SLC12A1: variants seen among roughly 807,000 people sequenced by gnomAD.
The protein encoded by SLC12A1 is solute carrier family 12 member 1, also known as Na-K-2Cl cotransporter.
SLC12A1 carries 89 observed loss-of-function variants against 130.4 expected under a neutral mutation model. The ratio of observed to expected loss-of-function variants is 0.68; its 90% CI spans 0.58 to 0.81. The LOEUF (loss-of-function observed/expected upper bound fraction) is 0.81, where lower values mean the gene tolerates loss of function less well. Ranked by LOEUF, SLC12A1 falls within the 40% of genes least tolerant of loss-of-function variation. The pLI is 0.00. For synonymous variants in SLC12A1, 499 were observed against 460.0 expected (o/e 1.08, Z -1.09); for missense variants, 1,310 against 1,336.4 (o/e 0.98, Z 0.31).
In SLC12A1 at chr15:48,291,828, T is replaced by C. The variant is rs1382522294; in HGVS notation, c.2924T>C (p.Ile975Thr). Residue 975 changes from isoleucine (I) to threonine (T), a missense_variant, in exon 24 of 27, where the codon ATC (isoleucine) becomes ACC (threonine). Ile to Thr is a moderately conservative substitution (Grantham distance 89). Coordinates refer to ENST00000380993, the MANE Select transcript of SLC12A1 (RefSeq NM_000338.3). ...KFRIKFADIH[I>T]IGDINIRPNK... ...AGGATAAAATTTGCAGACATCCATATCATCGGTGACATCAACATTAGGCCA... is the reference window on the plus strand; with the variant it reads ...AGGATAAAATTTGCAGACATCCATACCATCGGTGACATCAACATTAGGCCA... 2 of 1,572,846 alleles carry C rather than the reference T, an allele frequency of 1.3e-6. No homozygotes were observed. Among genetic ancestry groups the C allele is most frequent in the East Asian group, 2.3e-5 (1 of 43,306 alleles).
At chr15:48,217,425 T>A (rs2041137371) in intron 2 of SLC12A1, among the ~76,000 whole-genome samples, 1 of 152,220 alleles carries the variant, frequency 6.6e-6, no homozygotes, top group Non-Finnish European at 1.5e-5. Flanking sequence ...CTGCGTTTAT[T>A]CTTACATTGG....
intron 4 of SLC12A1, chr15:48,223,029 A>G (rs2041235250): frequency 6.6e-6 from 1 of 152,226 alleles, no homozygotes; most frequent in South Asian, 2.1e-4. Flanking sequence ...AATAAATTTA[A>G]CCATCAAGCA....
intron 15 of SLC12A1, among the ~76,000 whole-genome samples, chr15:48,252,398 T>C (rs2041658447): frequency 1.3e-5 from 2 of 152,204 alleles, no homozygotes; most frequent in South Asian, 4.1e-4. Flanking sequence ...AGAATGTGTA[T>C]GATACCAAAC....
rs1296059245 is a variant in SLC12A1, at chr15:48,301,509, G to GGGGT, written c.3164+129_3164+130insGTGG. On this transcript the variant is annotated intron_variant, in intron 26 of 26. Coordinates refer to ENST00000380993, the MANE Select transcript of SLC12A1 (RefSeq NM_000338.3). The stretch of plus-strand genomic sequence containing the variant: ...TTGTTTTTGTGTTTTTTTTGGGGGG[G>GGGGT]GGAACACGTGGGATTCTTAGACAGT... 129 of 506,964 alleles carry GGGGT rather than the reference G, an allele frequency of 2.5e-4. 2 individuals carry two copies. The highest frequency in any genetic ancestry group is 7.3e-4 in the South Asian group (28 of 38,270). The allele number at this position is 506,964 out of a possible 1,614,324, so 31.4% of individuals were successfully genotyped here.
At chr15:48,240,127 A>T (rs1489839346) in intron 9 of SLC12A1, among the ~76,000 whole-genome samples, 2 of 142,094 alleles carry the variant, frequency 1.4e-5, no homozygotes, top group Non-Finnish European at 3.0e-5. Flanking sequence ...ATATATATAT[A>T]ATATGCATAA....
chr15:48,274,467 T>C (rs2041929602), intron 19 of SLC12A1, 104 bp from the exon 20 acceptor site: 9 of 750,934 alleles, frequency 1.2e-5, no homozygotes, highest in Non-Finnish European at 2.1e-5. Flanking sequence ...TGGATTTTAA[T>C]AGTTTCATTA....
chr15:48,234,557 A>G (rs1361805118), intron 8 of SLC12A1, among the ~76,000 whole-genome samples: 3 of 152,074 alleles, frequency 2.0e-5, no homozygotes, highest in Non-Finnish European at 4.4e-5. Context: ...AGCCTGGCCC[A>G]CATGGTGAAA....
chr15:48,292,269 C>T (rs886486421), intron 24 of SLC12A1, among the ~76,000 whole-genome samples: 6 of 152,048 alleles, frequency 3.9e-5, no homozygotes, highest in African/African-American at 1.4e-4. Flanking sequence ...ATGGAAATAG[C>T]TTGTATCTTC....
chr15:48,284,633 A>G (rs2042038699), intron 20 of SLC12A1, among the ~76,000 whole-genome samples: 1 of 152,174 alleles, frequency 6.6e-6, no homozygotes, highest in African/African-American at 2.4e-5. Context: ...TTACTAAGAT[A>G]CATTACTTTT....
intron 20 of SLC12A1, among the ~76,000 whole-genome samples, chr15:48,277,348 A>T (rs1357543518): frequency 6.6e-6 from 1 of 152,168 alleles, no homozygotes; most frequent in African/African-American, 2.4e-5. Context: ...AAACCACTTC[A>T]TCTAAAATTG....
In SLC12A1 at chr15:48,213,056, T is replaced by C. The variant is rs1173029632; in HGVS notation, c.420+4917T>C. ...GCTTTTTTATGGATGGTGAAAGTTT[T>C]ATAAAATGCTGTGGATCTTTTAGAA... On this transcript the variant is annotated intron_variant, in intron 2 of 26. Coordinates refer to ENST00000380993, the MANE Select transcript of SLC12A1 (RefSeq NM_000338.3). Among the ~76,000 whole-genome samples, 3 of 152,198 alleles carry C rather than the reference T, an allele frequency of 2.0e-5. No individual in the cohort carries two copies. The East Asian group carries it at 5.8e-4, about 29-fold the overall frequency.
intron 19 of SLC12A1, among the ~76,000 whole-genome samples, chr15:48,272,673 C>T (rs527755446): frequency 6.6e-6 from 1 of 152,276 alleles, no homozygotes; most frequent in East Asian, 1.9e-4. Flanking sequence ...GGTGATCCAC[C>T]GCCTTGGCCT....
chr15:48,263,459 TA>T (rs933459407), intron 17 of SLC12A1, among the ~76,000 whole-genome samples: 2 of 152,078 alleles, frequency 1.3e-5, no homozygotes, highest in African/African-American at 4.8e-5. Flanking sequence ...TTTGAAACAC[TA>T]AAAAAATTAA....
intron 26 of SLC12A1, among the ~76,000 whole-genome samples, chr15:48,301,752 G>A (rs79812737): frequency 1.3e-5 from 2 of 152,076 alleles, no homozygotes; most frequent in Non-Finnish European, 2.9e-5. Context: ...ATGTCCCTGA[G>A]CCACTGTGCC....
Position 48,207,700 on chromosome 15 carries a change from T to TA in SLC12A1, c.-14dup. On this transcript the variant is annotated 5_prime_UTR_variant, in exon 2 of 27. Transcript: ENST00000380993. Reference sequence around the variant, plus strand: ...AACAACCACAAAGTAGATAGCTCAGTAAAAAATCAATTTTGGAAGATGTCA... The same window carrying TA: ...AACAACCACAAAGTAGATAGCTCAGTAAAAAAATCAATTTTGGAAGATGTCA... 3.9e-6 allele frequency: 6 copies of TA among 1,529,596 alleles called. No homozygotes were observed. The highest frequency in any genetic ancestry group is 5.3e-6 in the Non-Finnish European group (6 of 1,142,092). 94.8% of individuals were successfully genotyped at this position (1,529,596 alleles called of 1,614,324 possible). A position where few individuals can be genotyped will look rare whatever the true frequency, so the allele number is the denominator to read the frequency against.
chr15:48,208,121 T>A lies in SLC12A1; in HGVS notation c.402T>A (p.Ile134=). The A allele has an allele frequency of 6.3e-7, 1 of 1,588,714 alleles. No homozygotes were observed. Among genetic ancestry groups the A allele is most frequent in the Non-Finnish European group, 8.6e-7 (1 of 1,166,476 alleles). ...PKVNRPSLLE[I]HEQLAKNVAV... Reference sequence around the variant, plus strand: ...TCAACCGACCCAGCCTGCTTGAGATTCACGAGCAACTCGCAAAGGTAAGCT... The same window carrying A: ...TCAACCGACCCAGCCTGCTTGAGATACACGAGCAACTCGCAAAGGTAAGCT... The change falls in exon 2 of 27, where the codon ATT becomes ATA. Residue 134 remains isoleucine, a synonymous_variant. Coordinates refer to ENST00000380993, the MANE Select transcript of SLC12A1 (RefSeq NM_000338.3).
At position 48,229,391 on chromosome 15, in the gene SLC12A1, G is replaced by T. The variant is rs2041340381; in HGVS notation, c.864+63G>T. 19 of 1,462,478 alleles carry T rather than the reference G, an allele frequency of 1.3e-5. No individual in the cohort carries two copies. The South Asian group carries it at 2.2e-4, about 17-fold the overall frequency. The allele number at this position is 1,462,478 out of a possible 1,614,324, so 90.6% of individuals were successfully genotyped here. ...TAATTTAGTTTAGTTTGCCTTCTCA[G>T]GGCACTAAGGGATATCATTACAGCT... On this transcript the variant is annotated intron_variant, in intron 6 of 26. Transcript: ENST00000380993.
At chr15:48,226,793 C>T (rs2041294596) in intron 5 of SLC12A1, 3 of 602,598 alleles carry the variant, frequency 5.0e-6, no homozygotes, top group East Asian at 5.6e-5. Flanking sequence ...GTAGGTTATG[C>T]CTTACAGATG....
In SLC12A1 at chr15:48,211,537, C is replaced by CA. The variant is rs141228044; in HGVS notation, c.420+3404dup. 1.6e-4 allele frequency among the ~76,000 whole-genome samples: 25 copies of CA among 152,026 alleles called. No individual in the cohort carries two copies. In the East Asian group the frequency reaches 4.6e-3, roughly 28 times the overall value. On this transcript the variant is annotated intron_variant, in intron 2 of 26. Coordinates refer to ENST00000380993, the MANE Select transcript of SLC12A1 (RefSeq NM_000338.3). ...TCAGACCCTTCACAGATTTTGTATG[C>CA]AAAAAATATAAATAATAGTGTTTAC... is the stretch of plus-strand genomic sequence containing the variant.
Sources: allele counts gnomAD v4.1 joint callset (sites outside exome capture counted in the v4.1 genomes callset), GRCh38; gene constraint gnomAD v4.1.1; transcripts MANE v1.5; gene names NCBI Gene and HGNC (gene_info 2026-07-23, HGNC 2026-07-21).